Variants in SLC25A18 observed in about 807,000 individuals in gnomAD.
SLC25A18 encodes the protein mitochondrial glutamate carrier 2.
SLC25A18 carries 24 observed loss-of-function variants against 31.1 expected under a neutral mutation model. That is an observed-to-expected ratio of 0.77 (90% confidence interval 0.56 to 1.08). The LOEUF is 1.08. Ranked by LOEUF, SLC25A18 falls within the 50% of genes least tolerant of loss-of-function variation. The pLI is 0.00. For missense variants in SLC25A18, 371 were observed against 418.5 expected (o/e 0.89, Z 0.99); for synonymous variants, 173 against 161.9 (o/e 1.07, Z -0.52).
At chr22:17,578,848 T>C (rs2057297833) in intron 2 of SLC25A18, among the ~76,000 whole-genome samples, 1 of 152,182 alleles carries the variant, frequency 6.6e-6, no homozygotes, top group South Asian at 2.1e-4. Context: ...TGCAGTGAGC[T>C]GAGATCGTGC....
intron 2 of SLC25A18, among the ~76,000 whole-genome samples, chr22:17,575,296 C>T (rs1014087661): frequency 2.6e-5 from 4 of 152,158 alleles, no homozygotes; most frequent in Admixed American, 1.3e-4. Context: ...ATTAAGCACT[C>T]TTTGGTTACC....
rs561691577 is a variant in SLC25A18 at position 17,590,578 on chromosome 22, C to T, written c.*342C>T. The T allele has an allele frequency of 9.6e-6, 2 of 209,176 alleles. No homozygotes were observed. The highest frequency in any genetic ancestry group is 5.2e-5 in the Admixed American group (1 of 19,218). 13.0% of individuals were successfully genotyped at this position (209,176 alleles called of 1,614,324 possible). A position where few individuals can be genotyped will look rare whatever the true frequency, so the allele number is the denominator to read the frequency against. On this transcript the variant is annotated 3_prime_UTR_variant, in exon 11 of 11. Transcript: ENST00000327451. ...GGGTTGTTTCTGTATTTTAACATTTCTATTTCACAGTCAAACTCGGCATTC... is the reference window on the plus strand; with the variant it reads ...GGGTTGTTTCTGTATTTTAACATTTTTATTTCACAGTCAAACTCGGCATTC...
In SLC25A18 at chr22:17,579,750, G is replaced by A; in HGVS notation, c.-195G>A. The A allele has an allele frequency of 5.0e-6, 7 of 1,389,734 alleles. No homozygotes were observed. The highest frequency in any genetic ancestry group is 6.5e-6 in the Non-Finnish European group (7 of 1,073,302). 86.1% of individuals were successfully genotyped at this position (1,389,734 alleles called of 1,614,324 possible). On this transcript the variant is annotated 5_prime_UTR_variant, in exon 3 of 11. Transcript: ENST00000327451. ...TTTCTCTGACTACTTTGCAGGGGAGGAAGCCGCAGCCCAAGGAGGTCGTCA... is the reference window on the plus strand; with the variant it reads ...TTTCTCTGACTACTTTGCAGGGGAGAAAGCCGCAGCCCAAGGAGGTCGTCA...
At position 17,563,708 on chromosome 22, in the gene SLC25A18, T is replaced by G; in HGVS notation, c.-269T>G. ...GAACGTCGACTCGCTTGCAGGCAAG[T>G]TGTCAGTAAGTATTTATTAAATACC... On this transcript the variant is annotated 5_prime_UTR_variant, in exon 1 of 11. Transcript: ENST00000327451. 6 of 985,304 alleles carry G rather than the reference T, an allele frequency of 6.1e-6. No homozygotes were observed. Among genetic ancestry groups the G allele is most frequent in the Non-Finnish European group, 7.2e-6 (6 of 829,900 alleles). The allele number at this position is 985,304 out of a possible 1,614,324, so 61.0% of individuals were successfully genotyped here. A position where few individuals can be genotyped will look rare whatever the true frequency, so the allele number is the denominator to read the frequency against.
At chr22:17,571,789 C>A (rs570011706) in intron 2 of SLC25A18, among the ~76,000 whole-genome samples, 2 of 150,228 alleles carry the variant, frequency 1.3e-5, no homozygotes, top group South Asian at 4.2e-4. Context: ...GGGCCCAAGG[C>A]AGACGGATCA....
intron 1 of SLC25A18, among the ~76,000 whole-genome samples, chr22:17,567,880 T>C (rs551205854): frequency 6.6e-6 from 1 of 152,022 alleles, no homozygotes; most frequent in East Asian, 1.9e-4. Context: ...GCCATTTTTA[T>C]ACTTTCTGCA....
chr22:17,573,355 TCTGA>T (rs2057147893), intron 2 of SLC25A18, among the ~76,000 whole-genome samples: 1 of 152,100 alleles, frequency 6.6e-6, no homozygotes, highest in African/African-American at 2.4e-5. Context: ...GCACCTCCTC[TCTGA>T]CTTCCTCCCC....
intron 2 of SLC25A18, among the ~76,000 whole-genome samples, chr22:17,574,225 T>G (rs1253274139): frequency 7.1e-6 from 1 of 141,752 alleles, no homozygotes; most frequent in African/African-American, 2.4e-5. Flanking sequence ...CAGAGCCAGA[T>G]CTTGTCCCCT....
intron 8 of SLC25A18, 21 bp from the exon 9 acceptor site, chr22:17,587,904 T>C: frequency 6.2e-7 from 1 of 1,613,840 alleles, no homozygotes; most frequent in South Asian, 1.1e-5. Flanking sequence ...GAGCTCAGTG[T>C]TTCTCCTTCC....
chr22:17,584,266 A>G (rs1181815084), intron 7 of SLC25A18, among the ~76,000 whole-genome samples: 1 of 148,754 alleles, frequency 6.7e-6, no homozygotes, highest in Non-Finnish European at 1.5e-5. Context: ...GGTGGCGGGC[A>G]CCTGTAGTCT....
chr22:17,571,254 C>T (rs1214872798), intron 2 of SLC25A18, among the ~76,000 whole-genome samples: 2 of 152,148 alleles, frequency 1.3e-5, no homozygotes, highest in South Asian at 2.1e-4. Flanking sequence ...CTCAGGCATC[C>T]GGAGGGACAA....
chr22:17,568,061 GAGGCAA>G (rs1227868079), intron 1 of SLC25A18, among the ~76,000 whole-genome samples: 1 of 151,824 alleles, frequency 6.6e-6, no homozygotes, highest in Non-Finnish European at 1.5e-5. Flanking sequence ...CTTTTTAAAA[GAGGCAA>G]AGGCAGAGGA....
Position 17,575,742 on chromosome 22 carries a change from C to T in SLC25A18, c.-200-4003C>T, listed in dbSNP as rs1369002511. On this transcript the variant is annotated intron_variant, in intron 2 of 10. Transcript: ENST00000327451. ...TGGGGTATGCTCACCCACTGCATTC[C>T]ACCTTTTGACACTAAGAACATGCAA... Among the ~76,000 whole-genome samples, 5 of 152,176 alleles carry T rather than the reference C, an allele frequency of 3.3e-5. No individual in the cohort carries two copies. The East Asian group carries it at 7.7e-4, about 23-fold the overall frequency.
chr22:17,569,350 G>C, intron 1 of SLC25A18, among the ~76,000 whole-genome samples: 1 of 152,182 alleles, frequency 6.6e-6, no homozygotes, highest in East Asian at 1.9e-4. Flanking sequence ...TAAGCATTGA[G>C]AATGTGCCAA....
intron 2 of SLC25A18, among the ~76,000 whole-genome samples, chr22:17,577,833 T>G (rs1046924929): frequency 6.6e-6 from 1 of 150,958 alleles, no homozygotes; most frequent in Non-Finnish European, 1.5e-5. Context: ...CCCGCCACCA[T>G]GCCCAGCCAA....
chr22:17,587,871 G>C lies in SLC25A18; in HGVS notation c.576-54G>C, dbSNP rs566490524. On this transcript the variant is annotated intron_variant, in intron 8 of 10. Transcript: ENST00000327451. ...CAGCAAAGCTCATTGTCTCACCTTG[G>C]GTGGCAGCCCCAGGGCAGCTCGGAG... 2.5e-6 allele frequency: 4 copies of C among 1,609,644 alleles called. No homozygotes were observed. The South Asian group carries it at 4.4e-5, about 18-fold the overall frequency.
intron 7 of SLC25A18, among the ~76,000 whole-genome samples, chr22:17,584,366 C>T (rs890852076): frequency 6.9e-6 from 1 of 143,938 alleles, no homozygotes; most frequent in African/African-American, 2.6e-5. Flanking sequence ...GCACTCCAGC[C>T]TGGGAGACAG....
At position 17,582,671 on chromosome 22, in the gene SLC25A18, G is replaced by GGGGTT. The variant is rs750807212; in HGVS notation, c.290+21_290+25dup. On this transcript the variant is annotated intron_variant, in intron 6 of 10. Transcript: ENST00000327451. ...GAAGATGGGTATGGCCAGGTGGGGTGGGGTTGGATCCTTCACTGTGTGTTT... is the reference window on the plus strand; with the variant it reads ...GAAGATGGGTATGGCCAGGTGGGGTGGGGTTGGGTTGGATCCTTCACTGTGTGTTT... 6.3e-7 allele frequency: 1 copy of GGGGTT among 1,586,700 alleles called. No homozygotes were observed. Among genetic ancestry groups the GGGGTT allele is most frequent in the South Asian group, 1.1e-5 (1 of 87,402 alleles).
At chr22:17,584,998 G>A (rs945078011) in intron 7 of SLC25A18, among the ~76,000 whole-genome samples, 3 of 151,838 alleles carry the variant, frequency 2.0e-5, no homozygotes, top group South Asian at 2.1e-4. Context: ...TTGGTTCAGC[G>A]TGGTACACTC....
Sources: allele counts gnomAD v4.1 joint callset (sites outside exome capture counted in the v4.1 genomes callset), GRCh38; gene constraint gnomAD v4.1.1; transcripts MANE v1.5; gene names NCBI Gene and HGNC (gene_info 2026-07-23, HGNC 2026-07-21).